Variants in PLD5 observed in about 807,000 individuals in gnomAD.
PLD5 encodes the protein inactive phospholipase D5.
A neutral mutation model predicts 61.1 loss-of-function variants in PLD5; 36 were observed. The ratio of observed to expected loss-of-function variants is 0.59; its 90% CI spans 0.45 to 0.78. The LOEUF (loss-of-function observed/expected upper bound fraction) is 0.78. Ranked by LOEUF, PLD5 falls within the 30% of genes least tolerant of loss-of-function variation. PLD5 has a pLI of 0.00. For missense variants in PLD5, 515 were observed against 644.4 expected, an observed-to-expected ratio of 0.80 and a Z score of 2.17; for synonymous variants, 243 against 242.8, an observed-to-expected ratio of 1.00 and a Z score of -0.01.
In PLD5 at chr1:242,096,730, G is replaced by A. The variant is rs1172986090; in HGVS notation, c.1354+3938C>T. ...CTAAACTGAAAATATTTTACTGTCT[G>A]GACTTTTATTTTTTATTTTTATTTT... On this transcript the variant is annotated intron_variant, in intron 9 of 9. Coordinates refer to ENST00000536534, the MANE Select transcript of PLD5 (RefSeq NM_001372062.1). Among the ~76,000 whole-genome samples, 3 of 149,312 alleles carry A rather than the reference G, an allele frequency of 2.0e-5. No homozygotes were observed. The East Asian group carries it at 5.9e-4, about 29-fold the overall frequency.
At chr1:242,390,209 A>T (rs1202907609) in intron 1 of PLD5, among the ~76,000 whole-genome samples, 1 of 151,986 alleles carries the variant, frequency 6.6e-6, no homozygotes, top group Non-Finnish European at 1.5e-5. Context: ...CAGGCACCCC[A>T]CTACCATACC....
chr1:242,492,844 C>T (rs1019762771), intron 1 of PLD5, among the ~76,000 whole-genome samples: 9 of 152,108 alleles, frequency 5.9e-5, no homozygotes, highest in African/African-American at 2.2e-4. Flanking sequence ...AAAATCACCC[C>T]TCTTATGTTT....
chr1:242,267,886 A>AT lies in PLD5; in HGVS notation c.496-2439dup, dbSNP rs1673793111. Reference sequence around the variant, plus strand: ...ACACAGCTAGACCCCATCTCCAAAAATTAAAAAAAAAAAAAAAGAGGCAGG... The same window carrying AT: ...ACACAGCTAGACCCCATCTCCAAAAATTTAAAAAAAAAAAAAAAGAGGCAGG... On this transcript the variant is annotated intron_variant, in intron 3 of 9. Coordinates refer to ENST00000536534, the MANE Select transcript of PLD5 (RefSeq NM_001372062.1). Among the ~76,000 whole-genome samples, 4 of 140,468 alleles carry AT rather than the reference A, an allele frequency of 2.8e-5. No homozygotes were observed. The South Asian group carries it at 7.6e-4, about 27-fold the overall frequency. 92.2% of individuals were successfully genotyped at this position (140,468 alleles called of 152,430 possible).
intron 4 of PLD5, among the ~76,000 whole-genome samples, chr1:242,232,234 G>A (rs1671354261): frequency 6.6e-6 from 1 of 152,042 alleles, no homozygotes. Flanking sequence ...GAGAGGAAAT[G>A]AACAAATAAA....
At chr1:242,445,534 G>T (rs984050078) in intron 1 of PLD5, among the ~76,000 whole-genome samples, 5 of 152,186 alleles carry the variant, frequency 3.3e-5, no homozygotes, top group South Asian at 2.1e-4. Context: ...TAGAGACGGG[G>T]TTTCACCATG....
At chr1:242,398,317 C>T (rs1663720512) in intron 1 of PLD5, among the ~76,000 whole-genome samples, 1 of 152,196 alleles carries the variant, frequency 6.6e-6, no homozygotes, top group South Asian at 2.1e-4. Context: ...ATATACCAAA[C>T]TCGTAAGGTT....
intron 1 of PLD5, among the ~76,000 whole-genome samples, chr1:242,393,127 C>T (rs542273856): frequency 1.3e-5 from 2 of 150,790 alleles, no homozygotes; most frequent in South Asian, 4.2e-4. Context: ...TCACTTGAAC[C>T]CAGAAGGCGG....
chr1:242,407,254 C>A (rs902434304), intron 1 of PLD5, among the ~76,000 whole-genome samples: 1 of 146,470 alleles, frequency 6.8e-6, no homozygotes, highest in African/African-American at 2.6e-5. Flanking sequence ...GATGGTGAGG[C>A]CTCCCCTCAG....
chr1:242,193,465 A>G (rs1668410519), intron 5 of PLD5, among the ~76,000 whole-genome samples: 1 of 152,216 alleles, frequency 6.6e-6, no homozygotes, highest in African/African-American at 2.4e-5. Flanking sequence ...GGCCATGCAC[A>G]GAGAGACTTC....
chr1:242,213,334 T>A (rs1399879531), intron 5 of PLD5, among the ~76,000 whole-genome samples: 2 of 152,172 alleles, frequency 1.3e-5, no homozygotes, highest in African/African-American at 4.8e-5. Context: ...TAGAAAAGAA[T>A]TTCCTGATTG....
At chr1:242,425,765 C>T (rs1432609464) in intron 1 of PLD5, among the ~76,000 whole-genome samples, 3 of 151,716 alleles carry the variant, frequency 2.0e-5, no homozygotes, top group Admixed American at 6.6e-5. Context: ...GCCTCAGCCT[C>T]CTGAGTAGCT....
At chr1:242,435,481 C>T (rs1342287917) in intron 1 of PLD5, among the ~76,000 whole-genome samples, 1 of 149,324 alleles carries the variant, frequency 6.7e-6, no homozygotes, top group Non-Finnish European at 1.5e-5. Context: ...TTCCTAAATG[C>T]CAGGAGGCTG....
chr1:242,439,478 A>G (rs1162200061), intron 1 of PLD5, among the ~76,000 whole-genome samples: 1 of 152,230 alleles, frequency 6.6e-6, no homozygotes, highest in African/African-American at 2.4e-5. Flanking sequence ...CTCAGGCACT[A>G]GCGGGAAAAT....
At chr1:242,405,394 G>T (rs1664179055) in intron 1 of PLD5, among the ~76,000 whole-genome samples, 1 of 152,142 alleles carries the variant, frequency 6.6e-6, no homozygotes, top group Admixed American at 6.5e-5. Flanking sequence ...TAGAGGCCAG[G>T]GATGCTGCTC....
At chr1:242,299,846 T>C (rs968740131) in intron 2 of PLD5, among the ~76,000 whole-genome samples, 1 of 152,204 alleles carries the variant, frequency 6.6e-6, no homozygotes, top group Non-Finnish European at 1.5e-5. Context: ...ACCCTGTAAA[T>C]TGATATTTAT....
rs1481761892 is a variant in PLD5 at position 242,424,307 on chromosome 1, A to G, written c.190-76065T>C. On this transcript the variant is annotated intron_variant, in intron 1 of 9. Coordinates refer to ENST00000536534, the MANE Select transcript of PLD5 (RefSeq NM_001372062.1). ...TAGCCATCAGTTTGCCTGAGGTCCC[A>G]TAACACAGTTCTCCTCTCACATTTT... is the stretch of plus-strand genomic sequence containing the variant. 2.6e-5 allele frequency among the ~76,000 whole-genome samples: 4 copies of G among 152,326 alleles called. No individual in the cohort carries two copies. In the East Asian group the frequency reaches 7.7e-4, roughly 29 times the overall value.
chr1:242,293,587 C>T (rs1167438532), intron 2 of PLD5, among the ~76,000 whole-genome samples: 1 of 152,130 alleles, frequency 6.6e-6, no homozygotes, highest in Non-Finnish European at 1.5e-5. Flanking sequence ...GCTTCCCACG[C>T]CCACTGGGGG....
At chr1:242,207,976 TTA>T in intron 5 of PLD5, among the ~76,000 whole-genome samples, 1 of 68,162 alleles carries the variant, frequency 1.5e-5, no homozygotes, top group Admixed American at 2.5e-4. Context: ...ATATATATTT[TTA>T]TATATATATT....
At chr1:242,417,057 A>T (rs2810017) in intron 1 of PLD5, among the ~76,000 whole-genome samples, 1 of 152,022 alleles carries the variant, frequency 6.6e-6, no homozygotes, top group Non-Finnish European at 1.5e-5. Context: ...AGTGTAGCCC[A>T]AAAGAGTTAT....
Sources: allele counts gnomAD v4.1 joint callset (sites outside exome capture counted in the v4.1 genomes callset), GRCh38; gene constraint gnomAD v4.1.1; transcripts MANE v1.5; gene names NCBI Gene and HGNC (gene_info 2026-07-23, HGNC 2026-07-21).